STRIP2: variants seen among roughly 807,000 people sequenced by gnomAD.
The protein encoded by STRIP2 is striatin interacting protein 2.
Under a neutral mutation model 107.1 loss-of-function variants are expected in STRIP2, and 84 were observed. The ratio of observed to expected loss-of-function variants is 0.78; its 90% confidence interval spans 0.66 to 0.94. STRIP2 has a LOEUF of 0.94. Ranked by LOEUF, STRIP2 falls within the 40% of genes least tolerant of loss-of-function variation. The probability of loss-of-function intolerance (pLI) is 0.00; values close to 1 mark genes in which losing one functional copy is unlikely to be tolerated. For synonymous variants in STRIP2, 394 were observed against 400.4 expected, an observed-to-expected ratio of 0.98 and a Z score of 0.19; for missense variants, 888 against 1,034.2, an observed-to-expected ratio of 0.86 and a Z score of 1.94.
chr7:129,466,123 G>GT (rs1482044666), intron 16 of STRIP2, among the ~76,000 whole-genome samples: 7 of 152,182 alleles, frequency 4.6e-5, no homozygotes, highest in Non-Finnish European at 1.0e-4. Context: ...CTGTAGATGT[G>GT]TGTTTACTTC....
chr7:129,468,937 CCT>C (rs1798731958), intron 17 of STRIP2, among the ~76,000 whole-genome samples: 1 of 152,342 alleles, frequency 6.6e-6, no homozygotes, highest in Admixed American at 6.5e-5. Context: ...ACTCCAGTTT[CCT>C]CTCTCACTGA....
At chr7:129,464,272 T>G in intron 15 of STRIP2, 131 bp downstream of exon 15, 1 of 735,360 alleles carries the variant, frequency 1.4e-6, no homozygotes, top group Non-Finnish European at 2.3e-6. Flanking sequence ...TGCCCACCAG[T>G]ACCCCCTTTC....
At position 129,480,839 on chromosome 7, in the gene STRIP2, C is replaced by G; in HGVS notation, c.1999C>G (p.Leu667Val). ...CWRNLFSCIN[L>V]LRLLNKLTKW... ...GAGGAACCTCTTTTCCTGCATCAAC[C>G]TCCTGAGGCTGCTCAATAAACTGAC... The change falls in exon 19 of 21, where the codon CTC becomes GTC. Residue 667 changes from leucine (L) to valine (V), a missense_variant. By Grantham distance (32) the Leu-to-Val change is conservative (BLOSUM62 1). Transcript: ENST00000249344. 1.2e-6 allele frequency: 2 copies of G among 1,613,870 alleles called. No homozygotes were observed. The highest frequency in any genetic ancestry group is 1.7e-6 in the Non-Finnish European group (2 of 1,179,920).
Position 129,458,258 on chromosome 7 carries a change from G to A in STRIP2, c.1082G>A (p.Arg361Lys). 1.2e-6 allele frequency: 2 copies of A among 1,614,170 alleles called. No individual in the cohort carries two copies. The highest frequency in any genetic ancestry group is 1.7e-6 in the Non-Finnish European group (2 of 1,180,030). The change falls in exon 10 of 21, where the codon AGG (arginine) becomes AAG (lysine). Residue 361 changes from arginine to lysine, a missense_variant. Arg to Lys is a conservative substitution (Grantham distance 26). Coordinates refer to ENST00000249344, the MANE Select transcript of STRIP2 (RefSeq NM_020704.3). This position sits in a 1 kb window ranked among gnomAD's most constrained non-coding sequence, Gnocchi z 4.6. ...KQDSLDIYNERDLFKTEEPAT... is the reference protein window; with the variant it reads ...KQDSLDIYNEKDLFKTEEPAT... ...GACAGCCTGGACATCTACAATGAAA[G>A]GGATCTCTTCAAGACTGAGGAGCCC...
At chr7:129,482,621 AC>A (rs1448826648) in intron 19 of STRIP2, among the ~76,000 whole-genome samples, 1 of 151,928 alleles carries the variant, frequency 6.6e-6, no homozygotes, top group Non-Finnish European at 1.5e-5. Context: ...TACGTGATCC[AC>A]TGGCTTCGGC....
rs373610203 is a variant in STRIP2 at position 129,480,769 on chromosome 7, A to G, written c.1945-16A>G. The G allele has an allele frequency of 2.5e-6, 4 of 1,600,876 alleles. No homozygotes were observed. The highest frequency in any genetic ancestry group is 3.4e-6 in the Non-Finnish European group (4 of 1,171,510). ...CTTGTAGGTATTAAGATAATGATGG[A>G]TGTTCCCTACTATAGGAAGCTGGAG... is the stretch of plus-strand genomic sequence containing the variant. On this transcript the variant is annotated splice_polypyrimidine_tract_variant and intron_variant, in intron 18 of 20. Transcript: ENST00000249344.
In STRIP2 at chr7:129,488,262, A is replaced by G. The variant is rs1799279964; in HGVS notation, c.*2433A>G. ...CCAGTCTCCAATGGTGATTACTTTT[A>G]CTACATAGAAAAACATTTTAGTGAC... On this transcript the variant is annotated 3_prime_UTR_variant, in exon 21 of 21. Coordinates refer to ENST00000249344, the MANE Select transcript of STRIP2 (RefSeq NM_020704.3). 6.5e-6 allele frequency: 1 copy of G among 152,684 alleles called. No homozygotes were observed. Among genetic ancestry groups the G allele is most frequent in the Non-Finnish European group, 1.5e-5 (1 of 68,040 alleles). The allele number at this position is 152,684 out of a possible 1,614,324, so 9.5% of individuals were successfully genotyped here.
At chr7:129,434,887 CACTT>C (rs1797690591) in intron 1 of STRIP2, among the ~76,000 whole-genome samples, 1 of 152,266 alleles carries the variant, frequency 6.6e-6, no homozygotes. Context: ...ATATTTATCT[CACTT>C]AATCGCTGCA....
At chr7:129,462,927 G>A (rs1798578111) in intron 13 of STRIP2, 39 bp from the exon 14 acceptor site, 2 of 1,582,256 alleles carry the variant, frequency 1.3e-6, no homozygotes, top group Non-Finnish European at 8.7e-7. Context: ...TTGGTCACCT[G>A]GAAAGTGGCA....
intron 7 of STRIP2, 66 bp downstream of exon 7, chr7:129,454,593 G>GC: frequency 1.0e-6 from 1 of 985,750 alleles, no homozygotes; most frequent in Non-Finnish European, 1.6e-6. Flanking sequence ...CAGAGCATCT[G>GC]CCTAGGAGAG....
In STRIP2 at chr7:129,448,540, A is replaced by G. The variant is rs562492703; in HGVS notation, c.275-3073A>G. Among the ~76,000 whole-genome samples the G allele has an allele frequency of 2.0e-5, 3 of 152,328 alleles. No individual in the cohort carries two copies. In the East Asian group the frequency reaches 5.8e-4, roughly 29 times the overall value. On this transcript the variant is annotated intron_variant, in intron 3 of 20. Coordinates refer to ENST00000249344, the MANE Select transcript of STRIP2 (RefSeq NM_020704.3). ...ATTCTCTGTTTTTATAATTCAAATT[A>G]GTCTTTCGTCCATTCGACCTACAAG...
chr7:129,459,806 T>C (rs369809618), intron 12 of STRIP2, among the ~76,000 whole-genome samples: 1 of 152,344 alleles, frequency 6.6e-6, no homozygotes, highest in East Asian at 1.9e-4. Flanking sequence ...CTCTCATTTC[T>C]TTTTCCTCTT....
At chr7:129,475,543 C>CT (rs11432356) in intron 18 of STRIP2, among the ~76,000 whole-genome samples, 30,077 of 83,006 alleles carry the variant, frequency 0.36, 5,096 homozygotes, top group African/African-American at 0.46. Flanking sequence ...GGTGATGACT[C>CT]TTTTTTTTTC....
At position 129,454,219 on chromosome 7, in the gene STRIP2, G is replaced by A. The variant is rs774120501; in HGVS notation, c.599+9G>A. 1 of 1,613,844 alleles carries A rather than the reference G, an allele frequency of 6.2e-7. No individual in the cohort carries two copies. Among genetic ancestry groups the A allele is most frequent in the Non-Finnish European group, 8.5e-7 (1 of 1,179,836 alleles). On this transcript the variant is annotated intron_variant, in intron 6 of 20. Transcript: ENST00000249344. ...GATAGCACAGAGCTCAGGTGAGTGG[G>A]GCTAACTATGGGCTTGGAACAGGGC...
intron 13 of STRIP2, 128 bp downstream of exon 13, chr7:129,460,500 C>A: frequency 2.5e-6 from 2 of 786,018 alleles, no homozygotes; most frequent in African/African-American, 1.7e-5. Flanking sequence ...AAGACAAGGT[C>A]CCTACTTTCA....
rs1456530710 is a variant in STRIP2 at position 129,486,140 on chromosome 7, T to C, written c.*311T>C. 3.5e-6 allele frequency: 1 copy of C among 287,016 alleles called. No homozygotes were observed. The highest frequency in any genetic ancestry group is 6.7e-6 in the Non-Finnish European group (1 of 150,354). The allele number at this position is 287,016 out of a possible 1,614,324, so 17.8% of individuals were successfully genotyped here. A position where few individuals can be genotyped will look rare whatever the true frequency, so the allele number is the denominator to read the frequency against. ...CTTTGCTGGCTCTAAAAGAGGAAAT[T>C]TGTTATGGCATTTGACCCATGGCAT... On this transcript the variant is annotated 3_prime_UTR_variant, in exon 21 of 21. Transcript: ENST00000249344.
intron 18 of STRIP2, chr7:129,477,958 A>G (rs978314630): frequency 1.4e-5 from 7 of 518,182 alleles, no homozygotes; most frequent in Non-Finnish European, 2.7e-5. Context: ...GACATGTCCA[A>G]GGAATATTGT....
chr7:129,481,909 T>G (rs763093622), intron 19 of STRIP2, among the ~76,000 whole-genome samples: 33 of 152,194 alleles, frequency 2.2e-4, no homozygotes, highest in Non-Finnish European at 4.6e-4. Context: ...GGCCCACACC[T>G]GTAATTCCAG....
chr7:129,476,379 ACGGGGCGGC>A, intron 18 of STRIP2, among the ~76,000 whole-genome samples: 3 of 136,462 alleles, frequency 2.2e-5, no homozygotes. Flanking sequence ...CACTTCTCAG[ACGGGGCGGC>A]TGCCGGGCGG....
Sources: allele counts gnomAD v4.1 joint callset (sites outside exome capture counted in the v4.1 genomes callset), GRCh38; gene constraint gnomAD v4.1.1; non-coding constraint Gnocchi (gnomAD v3.1); transcripts MANE v1.5; gene names NCBI Gene and HGNC (gene_info 2026-07-23, HGNC 2026-07-21).